MBD2: variants seen among roughly 807,000 people sequenced by gnomAD.
The protein encoded by MBD2 is methyl-CpG-binding domain protein 2.
A neutral mutation model predicts 39.3 loss-of-function variants in MBD2; 9 were observed. That is an observed-to-expected ratio of 0.23 (90% CI 0.14 to 0.40). The LOEUF (loss-of-function observed/expected upper bound fraction) is 0.40. Among genes scored for constraint, MBD2 ranks in the 10% least tolerant of loss-of-function variants. The pLI, the probability that MBD2 is intolerant of heterozygous loss-of-function variation, is 1.00. For synonymous variants in MBD2, 233 were observed against 211.1 expected, an observed-to-expected ratio of 1.10 and a Z score of -0.90; for missense variants, 458 against 532.6, an observed-to-expected ratio of 0.86 and a Z score of 1.38.
chr18:54,164,234 C>T (rs985476771), intron 5 of MBD2, among the ~76,000 whole-genome samples: 8 of 152,172 alleles, frequency 5.3e-5, no homozygotes, highest in Non-Finnish European at 1.2e-4. Context: ...TTGCAAAAGA[C>T]ACTGTAAAAA....
intron 1 of MBD2, among the ~76,000 whole-genome samples, chr18:54,223,760 C>T (rs1479764719): frequency 1.3e-5 from 2 of 152,298 alleles, no homozygotes; most frequent in East Asian, 3.9e-4. Flanking sequence ...CCCTGCCAGG[C>T]TAACCCTTTC....
intron 1 of MBD2, among the ~76,000 whole-genome samples, chr18:54,219,863 T>G (rs2086595718): frequency 6.6e-6 from 1 of 152,174 alleles, no homozygotes; most frequent in Non-Finnish European, 1.5e-5. Context: ...TGCAGTGGCG[T>G]GATCTCAGCT....
chr18:54,159,926 G>A (rs957985852), intron 5 of MBD2, 23 bp from the exon 6 acceptor site: 3 of 1,608,270 alleles, frequency 1.9e-6, no homozygotes, highest in Admixed American at 3.3e-5. Flanking sequence ...AGAATAAAAA[G>A]GCACTGAGAA....
intron 2 of MBD2, 42 bp from the exon 3 acceptor site, chr18:54,189,053 A>C (rs1486488071): frequency 5.2e-6 from 7 of 1,339,266 alleles, no homozygotes; most frequent in Non-Finnish European, 7.2e-6. Context: ...ATTATATATA[A>C]ACACAATCAG....
chr18:54,195,512 A>G (rs559185332), intron 2 of MBD2, among the ~76,000 whole-genome samples: 5 of 152,272 alleles, frequency 3.3e-5, no homozygotes, highest in South Asian at 2.1e-4. Context: ...AGCAGAGACT[A>G]TATCTCTAAG....
At chr18:54,187,853 C>A (rs2086294981) in intron 3 of MBD2, 1 of 985,656 alleles carries the variant, frequency 1.0e-6, no homozygotes, top group Non-Finnish European at 1.2e-6. Context: ...GAGGAAAAAA[C>A]ACTACAGAGG....
At chr18:54,194,544 G>C (rs992363141) in intron 2 of MBD2, among the ~76,000 whole-genome samples, 8 of 148,270 alleles carry the variant, frequency 5.4e-5, no homozygotes, top group African/African-American at 2.1e-4. Flanking sequence ...ATATATAGAA[G>C]TTGTGTGTGT....
At chr18:54,182,180 A>T (rs1003989407) in intron 3 of MBD2, among the ~76,000 whole-genome samples, 1 of 152,276 alleles carries the variant, frequency 6.6e-6, no homozygotes, top group Admixed American at 6.5e-5. Context: ...GAATAATTTA[A>T]TTCACTAATT....
chr18:54,169,981 T>C (rs952174030), intron 3 of MBD2, among the ~76,000 whole-genome samples: 8 of 152,184 alleles, frequency 5.3e-5, no homozygotes, highest in Non-Finnish European at 1.2e-4. Flanking sequence ...ACACTAATGG[T>C]CTGGGCAATG....
At position 54,224,295 on chromosome 18, in the gene MBD2, C is replaced by T; in HGVS notation, c.265G>A (p.Gly89Ser). Residue 89 changes from glycine (G) to serine (S), a missense_variant, in exon 1 of 7, where the codon GGC (glycine) becomes AGC (serine). By Grantham distance (56) the Gly-to-Ser change is moderately conservative. This residue lies in a region of MBD2 where 269 missense variants were observed against 236.0 expected (regional missense o/e 1.14). Coordinates refer to ENST00000256429, the MANE Select transcript of MBD2 (RefSeq NM_003927.5). ...GGACGGCCGCGGCCCCGGCCCCGGC[C>T]CCGTCCCCGTCCCCGGCCACGGCCC... ...GRGRGRGRGR[G>S]RGRGRGRPPS... is the part of the protein sequence containing the mutation. 1 of 946,736 alleles carries T rather than the reference C, an allele frequency of 1.1e-6. No homozygotes were observed. The allele number at this position is 946,736 out of a possible 1,614,324, so 58.6% of individuals were successfully genotyped here. A position where few individuals can be genotyped will look rare whatever the true frequency, so the allele number is the denominator to read the frequency against.
intron 2 of MBD2, among the ~76,000 whole-genome samples, chr18:54,189,968 A>G (rs550245971): frequency 1.6e-4 from 24 of 152,248 alleles, no homozygotes; most frequent in Admixed American, 6.5e-5. Flanking sequence ...AAGGATACCA[A>G]TCAGGATAGC....
At chr18:54,223,052 G>A (rs1568097549) in intron 1 of MBD2, among the ~76,000 whole-genome samples, 1 of 152,140 alleles carries the variant, frequency 6.6e-6, no homozygotes, top group African/African-American at 2.4e-5. Context: ...CCACAAACAC[G>A]TACCTCCAAA....
chr18:54,173,096 G>C (rs1439413151), intron 3 of MBD2, among the ~76,000 whole-genome samples: 1 of 152,164 alleles, frequency 6.6e-6, no homozygotes, highest in Non-Finnish European at 1.5e-5. Context: ...CAAATGAAGA[G>C]TCTGAGCACA....
chr18:54,216,125 T>C (rs1229104518), intron 1 of MBD2, among the ~76,000 whole-genome samples: 1 of 152,140 alleles, frequency 6.6e-6, no homozygotes, highest in Non-Finnish European at 1.5e-5. Context: ...TAGATTTTTT[T>C]CAAGCAAAAT....
chr18:54,204,858 G>C, intron 2 of MBD2, 140 bp downstream of exon 2: 5 of 711,902 alleles, frequency 7.0e-6, no homozygotes, highest in Non-Finnish European at 1.2e-5. Context: ...GCTCTCTCTT[G>C]CTGGGACAGG....
At chr18:54,222,206 C>A (rs553426249) in intron 1 of MBD2, 1 of 337,366 alleles carries the variant, frequency 3.0e-6, no homozygotes, top group Non-Finnish European at 6.0e-6. Flanking sequence ...CAATTGTGAA[C>A]GGCACTAAAT....
In MBD2 at chr18:54,191,070, T is replaced by C. The variant is rs1192017922; in HGVS notation, c.703-2059A>G. ...ATATATTTTTGATATTTACAGGATA[T>C]TTGATGAACTTTTATCTTTACTACT... On this transcript the variant is annotated intron_variant, in intron 2 of 6. Coordinates refer to ENST00000256429, the MANE Select transcript of MBD2 (RefSeq NM_003927.5). 3.3e-5 allele frequency among the ~76,000 whole-genome samples: 5 copies of C among 152,320 alleles called. No homozygotes were observed. In the East Asian group the frequency reaches 5.8e-4, roughly 18 times the overall value.
intron 2 of MBD2, among the ~76,000 whole-genome samples, chr18:54,196,803 TTATAA>T (rs1392335862): frequency 6.6e-6 from 1 of 152,198 alleles, no homozygotes; most frequent in African/African-American, 2.4e-5. Flanking sequence ...AAGCACTAGT[TTATAA>T]TATAATACAG....
intron 3 of MBD2, among the ~76,000 whole-genome samples, chr18:54,172,176 T>C (rs901244093): frequency 6.6e-6 from 1 of 152,216 alleles, no homozygotes; most frequent in Non-Finnish European, 1.5e-5. Context: ...AAGACAGGCT[T>C]ATAATATATT....
Sources: allele counts gnomAD v4.1 joint callset (sites outside exome capture counted in the v4.1 genomes callset), GRCh38; gene constraint gnomAD v4.1.1; regional missense constraint gnomAD v4.1.1; transcripts MANE v1.5; gene names NCBI Gene and HGNC (gene_info 2026-07-23, HGNC 2026-07-21).